The following FHIT variants were observed in gnomAD, a reference collection of about 807,000 sequenced individuals.
FHIT encodes the protein bis(5'-adenosyl)-triphosphatase.
A neutral mutation model predicts 17.9 loss-of-function variants in FHIT; 19 were observed. That is an observed-to-expected ratio of 1.06 (90% confidence interval 0.74 to 1.56). The LOEUF is 1.56. Ranked by LOEUF, FHIT falls within the 40% of genes most tolerant of loss-of-function variation. The pLI is 0.00. For synonymous variants in FHIT, 81 were observed against 69.7 expected (o/e 1.16, Z -0.81); for missense variants, 248 against 189.2 (o/e 1.31, Z -1.82).
intron 4 of FHIT, among the ~76,000 whole-genome samples, chr3:60,573,798 T>C (rs1408424995): frequency 2.6e-5 from 4 of 151,848 alleles, no homozygotes; most frequent in Non-Finnish European, 5.9e-5. Context: ...CGTTCATTTA[T>C]GTCTTGTGTA....
At chr3:60,376,808 A>C (rs893798799) in intron 5 of FHIT, among the ~76,000 whole-genome samples, 1 of 152,228 alleles carries the variant, frequency 6.6e-6, no homozygotes, top group Non-Finnish European at 1.5e-5. Context: ...ATAAACATTT[A>C]TTAAAATAAT....
At chr3:61,025,183 A>G (rs529489969) in intron 3 of FHIT, among the ~76,000 whole-genome samples, 15 of 152,322 alleles carry the variant, frequency 9.8e-5, no homozygotes, top group Non-Finnish European at 1.5e-4. Flanking sequence ...CAAGACAGGG[A>G]TAAAGATTTA....
intron 7 of FHIT, among the ~76,000 whole-genome samples, chr3:59,973,854 A>G (rs1039492552): frequency 3.3e-5 from 5 of 152,128 alleles, no homozygotes; most frequent in African/African-American, 1.2e-4. Flanking sequence ...ACCACCAATG[A>G]AAATACAGGT....
At chr3:60,478,654 G>A (rs1343496683) in intron 5 of FHIT, among the ~76,000 whole-genome samples, 1 of 152,132 alleles carries the variant, frequency 6.6e-6, no homozygotes, top group Non-Finnish European at 1.5e-5. Flanking sequence ...TATGTGCCAG[G>A]CATTATGATA....
intron 8 of FHIT, among the ~76,000 whole-genome samples, chr3:59,855,118 G>A (rs370179253): frequency 4.1e-4 from 63 of 152,176 alleles, no homozygotes; most frequent in African/African-American, 1.4e-3. Context: ...TTTTCCCCTC[G>A]CAGGGTTCTT....
intron 1 of FHIT, among the ~76,000 whole-genome samples, chr3:61,244,816 A>T (rs1263296915): frequency 6.6e-6 from 1 of 152,216 alleles, no homozygotes; most frequent in African/African-American, 2.4e-5. Context: ...GTACTTCTTC[A>T]TCAAATCTAG....
At chr3:60,112,676 G>C (rs536864359) in intron 5 of FHIT, among the ~76,000 whole-genome samples, 2 of 152,256 alleles carry the variant, frequency 1.3e-5, no homozygotes, top group African/African-American at 4.8e-5. Context: ...GATGCTTTTA[G>C]TTTTGCAACA....
chr3:60,102,778 G>C (rs1576104363), intron 5 of FHIT, among the ~76,000 whole-genome samples: 1 of 152,024 alleles, frequency 6.6e-6, no homozygotes, highest in Admixed American at 6.6e-5. Flanking sequence ...GGATTCAAGG[G>C]AGAATAACAT....
At chr3:61,025,339 G>A (rs2107655263) in intron 3 of FHIT, among the ~76,000 whole-genome samples, 1 of 152,220 alleles carries the variant, frequency 6.6e-6, no homozygotes, top group East Asian at 1.9e-4. Flanking sequence ...TAGAGTAAAG[G>A]CCCCAAAAGT....
intron 7 of FHIT, among the ~76,000 whole-genome samples, chr3:59,934,368 T>C (rs1361522422): frequency 6.6e-6 from 1 of 152,134 alleles, no homozygotes; most frequent in Non-Finnish European, 1.5e-5. Flanking sequence ...CTAAGCCCAC[T>C]GCCCCTGCAC....
At chr3:60,350,040 C>A (rs1711007041) in intron 5 of FHIT, among the ~76,000 whole-genome samples, 1 of 152,110 alleles carries the variant, frequency 6.6e-6, no homozygotes, top group African/African-American at 2.4e-5. Flanking sequence ...GGTGTAGGAG[C>A]CACTCACCAG....
chr3:59,768,758 T>G (rs377161898), intron 8 of FHIT, among the ~76,000 whole-genome samples: 23 of 152,370 alleles, frequency 1.5e-4, no homozygotes, highest in African/African-American at 5.3e-4. Context: ...ATGACATAGT[T>G]GTACCCATCC....
intron 1 of FHIT, among the ~76,000 whole-genome samples, chr3:61,227,125 G>C (rs1043065638): frequency 1.3e-5 from 2 of 152,122 alleles, no homozygotes; most frequent in African/African-American, 4.8e-5. Context: ...AGGTGAGAGA[G>C]AAGAGTGACA....
chr3:61,139,311 T>C (rs1250066934), intron 2 of FHIT, among the ~76,000 whole-genome samples: 5 of 152,158 alleles, frequency 3.3e-5, no homozygotes, highest in African/African-American at 1.2e-4. Context: ...TATTTTTTAT[T>C]GCAGTATAAT....
At chr3:60,432,098 C>A (rs1702931886) in intron 5 of FHIT, among the ~76,000 whole-genome samples, 1 of 152,086 alleles carries the variant, frequency 6.6e-6, no homozygotes, top group South Asian at 2.1e-4. Context: ...ACCTCAGCCT[C>A]CTGAGTAGCT....
chr3:60,975,939 C>T (rs1371867220), intron 3 of FHIT, among the ~76,000 whole-genome samples: 1 of 151,956 alleles, frequency 6.6e-6, no homozygotes, highest in Non-Finnish European at 1.5e-5. Flanking sequence ...CAGATTAAGA[C>T]TGTTCTGAAA....
At chr3:60,316,965 G>A (rs1405495791) in intron 5 of FHIT, among the ~76,000 whole-genome samples, 1 of 151,916 alleles carries the variant, frequency 6.6e-6, no homozygotes, top group Non-Finnish European at 1.5e-5. Flanking sequence ...CTGGAACAAG[G>A]GACCCAAGAA....
At chr3:60,724,159 A>G (rs372177176) in intron 4 of FHIT, among the ~76,000 whole-genome samples, 25 of 152,266 alleles carry the variant, frequency 1.6e-4, no homozygotes, top group African/African-American at 5.5e-4. Context: ...CCAACCACCC[A>G]GCTAGGCAAC....
chr3:60,447,733 T>C (rs1267282201), intron 5 of FHIT, among the ~76,000 whole-genome samples: 2 of 152,156 alleles, frequency 1.3e-5, no homozygotes, highest in African/African-American at 4.8e-5. Flanking sequence ...GCTGACAGAA[T>C]ACCACTCCTG....
Sources: gnomAD v4.1 joint callset for allele counts (sites outside exome capture counted in the v4.1 genomes callset) on GRCh38, gnomAD v4.1.1 for gene constraint, MANE v1.5 for transcripts, NCBI Gene and HGNC (gene_info 2026-07-23, HGNC 2026-07-21) for gene names.